CNKSR2: variants seen among roughly 807,000 people sequenced by gnomAD.
CNKSR2 encodes the protein CNK homolog protein 2.
CNKSR2 carries 14 observed loss-of-function variants against 84.4 expected under a neutral mutation model. The ratio of observed to expected loss-of-function variants is 0.17; its 90% CI spans 0.11 to 0.26. The LOEUF (loss-of-function observed/expected upper bound fraction) is 0.26, where lower values mean the gene tolerates loss of function less well. Among genes scored for constraint, CNKSR2 ranks in the 10% least tolerant of loss-of-function variants. The pLI is 1.00. For synonymous variants in CNKSR2, 275 were observed against 277.9 expected, an observed-to-expected ratio of 0.99 and a Z score of 0.10; for missense variants, 485 against 771.2, an observed-to-expected ratio of 0.63 and a Z score of 4.40.
At chrX:21,450,227 G>A (rs1439377098) in intron 4 of CNKSR2, among the ~76,000 whole-genome samples, 2 of 111,217 alleles carry the variant, frequency 1.8e-5, no homozygotes, top group African/African-American at 3.3e-5. Flanking sequence ...CTTGGTACTC[G>A]GCGTTAGTAC....
At chrX:21,504,056 T>C (rs968426985) in intron 8 of CNKSR2, 6 of 111,047 alleles carry the variant, frequency 5.4e-5, no homozygotes, top group African/African-American at 2.0e-4. Flanking sequence ...GTTGCCAGGT[T>C]TTTTTGTGTT....
rs188459311 is a variant in CNKSR2, at chrX:21,624,742, G to A, written c.2692+15125G>A. The stretch of plus-strand genomic sequence containing the variant: ...ATTACAGGCATGAGCCACTGCATCT[G>A]CCCACCCCTAAGTTTTCTATCATGA... On this transcript the variant is annotated intron_variant, in intron 20 of 21. Coordinates refer to ENST00000379510, the MANE Select transcript of CNKSR2 (RefSeq NM_014927.5). 1.8e-4 allele frequency among the ~76,000 whole-genome samples: 20 copies of A among 111,987 alleles called. No homozygotes were observed. In the East Asian group the frequency reaches 4.5e-3, roughly 25 times the overall value.
chrX:21,521,778 G>GA (rs1281687949), intron 9 of CNKSR2, among the ~76,000 whole-genome samples: 1 of 110,153 alleles, frequency 9.1e-6, no homozygotes, highest in African/African-American at 3.3e-5. Flanking sequence ...TCTGTGGTCA[G>GA]AAAAAAACAC....
At chrX:21,478,531 T>A (rs1407146418) in intron 5 of CNKSR2, among the ~76,000 whole-genome samples, 3 of 112,152 alleles carry the variant, frequency 2.7e-5, no homozygotes, top group Admixed American at 9.5e-5. Context: ...AACATTACAT[T>A]TGCTGAACAC....
At position 21,561,573 on chromosome X, in the gene CNKSR2, G is replaced by A; in HGVS notation, c.1393+13G>A. ...GATAGTAGAAGAGGTAAGTGTTCTA[G>A]AATTTCAGTGTAGGCTGGGTTGTTT... On this transcript the variant is annotated intron_variant, in intron 12 of 21. Coordinates refer to ENST00000379510, the MANE Select transcript of CNKSR2 (RefSeq NM_014927.5). 2 of 1,124,703 alleles carry A rather than the reference G, an allele frequency of 1.8e-6. No individual in the cohort carries two copies. Among genetic ancestry groups the A allele is most frequent in the Non-Finnish European group, 2.4e-6 (2 of 819,043 alleles). 92.7% of individuals were successfully genotyped at this position (1,124,703 alleles called of 1,213,427 possible). A position where few individuals can be genotyped will look rare whatever the true frequency, so the allele number is the denominator to read the frequency against.
chrX:21,632,179 A>G (rs2092651027), intron 20 of CNKSR2, among the ~76,000 whole-genome samples: 1 of 111,608 alleles, frequency 9.0e-6, no homozygotes, highest in Non-Finnish European at 1.9e-5. Context: ...GAGGTAAAGT[A>G]CCAGTTCACT....
intron 1 of CNKSR2, among the ~76,000 whole-genome samples, chrX:21,419,566 A>G (rs193032491): frequency 9.0e-4 from 100 of 111,415 alleles, no homozygotes; most frequent in Admixed American, 8.7e-3. Context: ...CAGATATTCA[A>G]AAGGACTTAG....
At chrX:21,529,456 A>C (rs1277583434) in intron 10 of CNKSR2, among the ~76,000 whole-genome samples, 2 of 111,255 alleles carry the variant, frequency 1.8e-5, no homozygotes, top group Non-Finnish European at 3.8e-5. Context: ...ACATTTAAGT[A>C]CTAATTTCTC....
intron 4 of CNKSR2, among the ~76,000 whole-genome samples, chrX:21,466,875 G>A (rs1386237755): frequency 1.8e-5 from 2 of 111,682 alleles, no homozygotes; most frequent in East Asian, 5.6e-4. Context: ...ATGAACCACT[G>A]TGCCTGGCTT....
chrX:21,437,419 GTT>G (rs749717203), intron 3 of CNKSR2, among the ~76,000 whole-genome samples: 5 of 86,526 alleles, frequency 5.8e-5, no homozygotes, highest in Non-Finnish European at 4.6e-5. Context: ...TCTCTATGTA[GTT>G]TTTTTTTTTT....
At chrX:21,636,366 T>C (rs1376686639) in intron 20 of CNKSR2, among the ~76,000 whole-genome samples, 1 of 110,716 alleles carries the variant, frequency 9.0e-6, no homozygotes, top group Non-Finnish European at 1.9e-5. Flanking sequence ...CTGTCGGGGG[T>C]TCATGTCTCA....
chrX:21,611,301 G>C (rs1334354706), intron 20 of CNKSR2, among the ~76,000 whole-genome samples: 2 of 112,439 alleles, frequency 1.8e-5, no homozygotes, highest in Non-Finnish European at 3.8e-5. Context: ...TACAAACATT[G>C]GAGAAAACAC....
At chrX:21,619,506 A>G (rs780032976) in intron 20 of CNKSR2, among the ~76,000 whole-genome samples, 1 of 111,577 alleles carries the variant, frequency 9.0e-6, no homozygotes, top group Non-Finnish European at 1.9e-5. Flanking sequence ...TTACTGCACT[A>G]TTTCTCTTTT....
At chrX:21,592,261 T>A (rs1480091946) in intron 15 of CNKSR2, 1 of 111,570 alleles carries the variant, frequency 9.0e-6, no homozygotes, top group Non-Finnish European at 1.9e-5. Context: ...AATGAATCAA[T>A]GCCTGGCACA....
intron 11 of CNKSR2, among the ~76,000 whole-genome samples, chrX:21,551,263 T>C (rs1207504549): frequency 9.0e-6 from 1 of 111,131 alleles, no homozygotes; most frequent in East Asian, 2.8e-4. Context: ...ATACCTAATG[T>C]AGATGATGGG....
At chrX:21,523,537 T>C (rs1442653060) in intron 9 of CNKSR2, among the ~76,000 whole-genome samples, 1 of 111,105 alleles carries the variant, frequency 9.0e-6, no homozygotes, top group Non-Finnish European at 1.9e-5. Context: ...CACTGTATTA[T>C]AAACAAATGA....
At chrX:21,524,072 C>G (rs113317245) in intron 9 of CNKSR2, among the ~76,000 whole-genome samples, 29 of 109,995 alleles carry the variant, frequency 2.6e-4, no homozygotes, top group African/African-American at 8.8e-4. Flanking sequence ...TCAAAAAGAA[C>G]GTTTATTATT....
At chrX:21,476,635 TG>T (rs1402149085) in intron 5 of CNKSR2, among the ~76,000 whole-genome samples, 1 of 110,913 alleles carries the variant, frequency 9.0e-6, no homozygotes, top group African/African-American at 3.3e-5. Flanking sequence ...TGGGCAGGGA[TG>T]TCTGTTAATA....
At chrX:21,600,295 A>G (rs1472602513) in intron 17 of CNKSR2, among the ~76,000 whole-genome samples, 1 of 112,327 alleles carries the variant, frequency 8.9e-6, no homozygotes, top group Non-Finnish European at 1.9e-5. Context: ...TAAATGTCTT[A>G]GGAGAAAAAG....
Sources: gnomAD v4.1 joint callset for allele counts (sites outside exome capture counted in the v4.1 genomes callset) on GRCh38, gnomAD v4.1.1 for gene constraint, MANE v1.5 for transcripts, NCBI Gene and HGNC (gene_info 2026-07-23, HGNC 2026-07-21) for gene names.